The following PHEX variants were observed in gnomAD, a reference collection of about 807,000 sequenced individuals.
PHEX encodes the protein phosphate-regulating neutral endopeptidase PHEX.
Under a neutral mutation model 68.0 loss-of-function variants are expected in PHEX, and 16 were observed. The observed-to-expected ratio is 0.24, with a 90% CI of 0.16 to 0.36. The LOEUF (loss-of-function observed/expected upper bound fraction) is 0.36. Among genes scored for constraint, PHEX ranks in the 10% least tolerant of loss-of-function variants. PHEX has a pLI of 1.00. For missense variants in PHEX, 480 were observed against 575.5 expected (o/e 0.83, Z 1.70); for synonymous variants, 208 against 205.1 (o/e 1.01, Z -0.12).
chrX:22,055,840 G>A (rs1030021499), intron 3 of PHEX, among the ~76,000 whole-genome samples: 3 of 112,065 alleles, frequency 2.7e-5, no homozygotes, highest in African/African-American at 6.5e-5. Flanking sequence ...GATTACAGGT[G>A]TGAGCCACCG....
At chrX:22,145,617 A>C (rs1457082486) in intron 12 of PHEX, among the ~76,000 whole-genome samples, 1 of 104,416 alleles carries the variant, frequency 9.6e-6, no homozygotes, top group African/African-American at 3.4e-5. Flanking sequence ...CTCTGTCTCA[A>C]AAAAAAAAAA....
chrX:22,192,309 T>C (rs908788914), intron 15 of PHEX, among the ~76,000 whole-genome samples: 11 of 111,571 alleles, frequency 9.9e-5, no homozygotes, highest in Non-Finnish European at 2.1e-4. Context: ...CACTACTATC[T>C]CCCACCTGGA....
At chrX:22,174,124 C>T (rs899799550) in intron 13 of PHEX, among the ~76,000 whole-genome samples, 1 of 111,677 alleles carries the variant, frequency 9.0e-6, no homozygotes, top group Non-Finnish European at 1.9e-5. Flanking sequence ...ATGATCGGGA[C>T]AGCTGTTCCT....
intron 14 of PHEX, among the ~76,000 whole-genome samples, chrX:22,185,756 GTTT>G (rs3085228): frequency 1.8e-4 from 16 of 87,748 alleles, no homozygotes; most frequent in Admixed American, 3.6e-4. Flanking sequence ...CTCGTTTGTG[GTTT>G]TTTTTTTTTT....
At chrX:22,178,184 C>T (rs760171768) in intron 13 of PHEX, 89 bp from the exon 14 acceptor site, 1 of 530,698 alleles carries the variant, frequency 1.9e-6, no homozygotes, top group Non-Finnish European at 3.3e-6. Context: ...AGCTTCTCTG[C>T]TAGTTGCTCC....
At chrX:22,038,573 AT>A in intron 2 of PHEX, 36 bp downstream of exon 2, 1 of 926,991 alleles carries the variant, frequency 1.1e-6, no homozygotes, top group Non-Finnish European at 1.6e-6. Flanking sequence ...TCAAGTTATA[AT>A]TATGGTACCT....
chrX:22,085,844 G>T (rs1929608278), intron 5 of PHEX, among the ~76,000 whole-genome samples: 2 of 111,839 alleles, frequency 1.8e-5, no homozygotes, highest in South Asian at 7.5e-4. Context: ...GTTTAACGCT[G>T]ATGTTTCTTT....
chrX:22,094,177 T>A, intron 7 of PHEX, 78 bp downstream of exon 7: 2 of 577,221 alleles, frequency 3.5e-6, no homozygotes, highest in Non-Finnish European at 5.9e-6. Flanking sequence ...TTCCTTTTAT[T>A]AAAGGCAGTA....
At chrX:22,124,867 A>G (rs1931648285) in intron 11 of PHEX, among the ~76,000 whole-genome samples, 1 of 111,752 alleles carries the variant, frequency 8.9e-6, no homozygotes, top group African/African-American at 3.3e-5. Flanking sequence ...TTTTGCCAAA[A>G]TGTTTAATAG....
chrX:22,071,421 G>A (rs1021544982), intron 3 of PHEX, among the ~76,000 whole-genome samples: 3 of 111,457 alleles, frequency 2.7e-5, no homozygotes, highest in African/African-American at 9.8e-5. Context: ...GCTTCTCATA[G>A]TTCTTTTTCA....
intron 12 of PHEX, among the ~76,000 whole-genome samples, chrX:22,156,914 A>G (rs1487477942): frequency 9.2e-6 from 1 of 109,100 alleles, no homozygotes; most frequent in Admixed American, 9.8e-5. Flanking sequence ...ACAGGGTCTC[A>G]CTCTGTTGCC....
At chrX:22,186,138 T>C (rs753636270) in intron 14 of PHEX, among the ~76,000 whole-genome samples, 2 of 111,752 alleles carry the variant, frequency 1.8e-5, no homozygotes, top group African/African-American at 6.5e-5. Flanking sequence ...ACATGTCTAA[T>C]GGTTGATGCT....
chrX:22,132,944 T>C (rs572431120), intron 11 of PHEX, among the ~76,000 whole-genome samples: 13 of 110,812 alleles, frequency 1.2e-4, no homozygotes, highest in South Asian at 1.2e-3. Flanking sequence ...TGGAGTACAG[T>C]GGTGCAGTCA....
chrX:22,102,093 T>A (rs1930456565), intron 9 of PHEX, among the ~76,000 whole-genome samples: 1 of 112,120 alleles, frequency 8.9e-6, no homozygotes, highest in African/African-American at 3.2e-5. Flanking sequence ...TACTGTTTTA[T>A]TTATTTAAAA....
Position 22,046,759 on chromosome X carries a change from T to G in PHEX, c.188-291T>G, listed in dbSNP as rs178719. On this transcript the variant is annotated intron_variant, in intron 2 of 21. Coordinates refer to ENST00000379374, the MANE Select transcript of PHEX (RefSeq NM_000444.6). ...TTTTTGTATTTTTAGTAGAGATGGG[T>G]TTTCACCATGTTGGCCAGACTGGTC... Among the ~76,000 whole-genome samples the G allele has an allele frequency of 0.19, 20,780 of 108,838 alleles. 1,607 individuals are homozygous for G. The highest frequency in any genetic ancestry group is 0.26 in the African/African-American group (7,662 of 29,863). 94.5% of individuals were successfully genotyped at this position (108,838 alleles called of 115,157 possible).
At chrX:22,152,988 A>T (rs1326164098) in intron 12 of PHEX, among the ~76,000 whole-genome samples, 2 of 109,451 alleles carry the variant, frequency 1.8e-5, no homozygotes, top group Non-Finnish European at 3.8e-5. Context: ...GAAGTAAATG[A>T]TCAACTTTTT....
chrX:22,113,005 TTGTGTGTGTGTGTGTGTGTGTGTGTG>T (rs560422828), intron 10 of PHEX, among the ~76,000 whole-genome samples: 9 of 88,690 alleles, frequency 1.0e-4, no homozygotes, highest in Non-Finnish European at 2.1e-4. Flanking sequence ...CAAGTAGGTT[TTGTGTGTGTGTGTGTGTGTGTGTGTG>T]TGTGTGTGTG....
chrX:22,204,352 C>T (rs1934644845), intron 15 of PHEX, among the ~76,000 whole-genome samples: 1 of 112,123 alleles, frequency 8.9e-6, no homozygotes, highest in Non-Finnish European at 1.9e-5. Context: ...AAATAACTCC[C>T]TCTCAAAACA....
chrX:22,204,201 C>T (rs2147153007), intron 15 of PHEX, among the ~76,000 whole-genome samples: 1 of 111,158 alleles, frequency 9.0e-6, no homozygotes, highest in African/African-American at 3.3e-5. Flanking sequence ...AACATTTGCA[C>T]CTCTAAGGAG....
Sources: gnomAD v4.1 joint callset for allele counts (sites outside exome capture counted in the v4.1 genomes callset) on GRCh38, gnomAD v4.1.1 for gene constraint, MANE v1.5 for transcripts, NCBI Gene and HGNC (gene_info 2026-07-23, HGNC 2026-07-21) for gene names.